Variants in FARS2 observed in about 807,000 individuals in gnomAD.
FARS2 encodes phenylalanine--tRNA ligase, mitochondrial.
FARS2 carries 40 observed loss-of-function variants against 46.4 expected under a neutral mutation model. That is an observed-to-expected ratio of 0.86 (90% CI 0.67 to 1.12). FARS2 has a LOEUF of 1.12. Ranked by LOEUF, FARS2 falls within the 50% of genes most tolerant of loss-of-function variation. The pLI is 0.00. For synonymous variants in FARS2, 234 were observed against 214.9 expected, an observed-to-expected ratio of 1.09 and a Z score of -0.78; for missense variants, 513 against 567.9, an observed-to-expected ratio of 0.90 and a Z score of 0.98.
At chr6:5,287,166 G>A (rs1031349975) in intron 1 of FARS2, among the ~76,000 whole-genome samples, 1 of 152,194 alleles carries the variant, frequency 6.6e-6, no homozygotes, top group African/African-American at 2.4e-5. Context: ...CAAATTTCCC[G>A]GGTGTGATAT....
rs148016550 is a variant in FARS2 at position 5,389,162 on chromosome 6, T to C, written c.613-15380T>C. ...AGCTAAATGAAACAGTTAAAAAATATCGGCTTGCAGAAATATTTTATGGCT... is the reference window on the plus strand; with the variant it reads ...AGCTAAATGAAACAGTTAAAAAATACCGGCTTGCAGAAATATTTTATGGCT... On this transcript the variant is annotated intron_variant, in intron 2 of 6. Coordinates refer to ENST00000274680, the MANE Select transcript of FARS2 (RefSeq NM_006567.5). 3.9e-3 allele frequency among the ~76,000 whole-genome samples: 599 copies of C among 152,076 alleles called. 2 individuals carry two copies. Among genetic ancestry groups the C allele is most frequent in the African/African-American group, 0.014 (579 of 41,508 alleles).
chr6:5,478,670 G>T (rs1301936229), intron 4 of FARS2, among the ~76,000 whole-genome samples: 1 of 152,138 alleles, frequency 6.6e-6, no homozygotes, highest in Admixed American at 6.5e-5. Flanking sequence ...TTGCAAGTGC[G>T]GAACAACCAG....
the FARS2 span, among the ~76,000 whole-genome samples, chr6:5,253,814 G>A: frequency 1.5e-5 from 2 of 136,860 alleles, no homozygotes; most frequent in African/African-American, 2.9e-5. Context: ...ACCTCAATAA[G>A]TGGGTGCCTC....
chr6:5,489,759 T>C (rs1766989372), intron 4 of FARS2, among the ~76,000 whole-genome samples: 1 of 152,250 alleles, frequency 6.6e-6, no homozygotes, highest in Non-Finnish European at 1.5e-5. Flanking sequence ...TGCTGGTTAT[T>C]ATTATAGAAA....
intron 6 of FARS2, among the ~76,000 whole-genome samples, chr6:5,736,702 C>CT (rs1760978555): frequency 6.6e-6 from 1 of 151,928 alleles, no homozygotes; most frequent in African/African-American, 2.4e-5. Context: ...GTACCCCTTG[C>CT]TATTTATCCT....
At chr6:5,755,708 G>T (rs1395255136) in intron 6 of FARS2, among the ~76,000 whole-genome samples, 1 of 152,146 alleles carries the variant, frequency 6.6e-6, no homozygotes, top group Non-Finnish European at 1.5e-5. Context: ...GTAATTTGGG[G>T]CCTTGAGGTT....
chr6:5,675,116 T>C (rs2150818465), intron 6 of FARS2, among the ~76,000 whole-genome samples: 1 of 152,252 alleles, frequency 6.6e-6, no homozygotes, highest in African/African-American at 2.4e-5. Flanking sequence ...AGGTGGTCAA[T>C]AAATATTTGG....
At chr6:5,572,421 G>A (rs1420155536) in intron 5 of FARS2, among the ~76,000 whole-genome samples, 3 of 151,998 alleles carry the variant, frequency 2.0e-5, no homozygotes, top group South Asian at 2.1e-4. Flanking sequence ...CAAACACCTC[G>A]CACCAGGACC....
chr6:5,428,069 G>A (rs914898073), intron 3 of FARS2, among the ~76,000 whole-genome samples: 1 of 152,208 alleles, frequency 6.6e-6, no homozygotes, highest in African/African-American at 2.4e-5. Context: ...ACAGGGACCT[G>A]TCTCTGCGGA....
At chr6:5,520,149 A>G (rs936228981) in intron 4 of FARS2, among the ~76,000 whole-genome samples, 1 of 152,206 alleles carries the variant, frequency 6.6e-6, no homozygotes, top group Non-Finnish European at 1.5e-5. Context: ...CCTGAGGATC[A>G]TAAGTTTAGT....
chr6:5,524,661 G>T (rs1769351762), intron 4 of FARS2, among the ~76,000 whole-genome samples: 1 of 152,122 alleles, frequency 6.6e-6, no homozygotes, highest in South Asian at 2.1e-4. Flanking sequence ...CCTTACAGTA[G>T]CTCTAGGAGG....
At chr6:5,735,526 G>A (rs550719058) in intron 6 of FARS2, among the ~76,000 whole-genome samples, 1 of 152,292 alleles carries the variant, frequency 6.6e-6, no homozygotes, top group African/African-American at 2.4e-5. Flanking sequence ...CGTTTCTCTC[G>A]AGGCTGTTGT....
chr6:5,440,710 G>T (rs542796717), intron 4 of FARS2, among the ~76,000 whole-genome samples: 11 of 152,102 alleles, frequency 7.2e-5, no homozygotes, highest in Admixed American at 3.9e-4. Context: ...AGAAGTGGAG[G>T]GGGGGTGTCT....
intron 6 of FARS2, among the ~76,000 whole-genome samples, chr6:5,674,413 G>C (rs4570011): frequency 6.6e-6 from 1 of 152,078 alleles, no homozygotes; most frequent in African/African-American, 2.4e-5. Context: ...TTAAGAGAAA[G>C]ACTTGTTGGT....
intron 4 of FARS2, among the ~76,000 whole-genome samples, chr6:5,469,145 C>G (rs779759032): frequency 5.3e-5 from 8 of 152,238 alleles, no homozygotes; most frequent in Non-Finnish European, 1.2e-4. Context: ...TTGCCACTTC[C>G]AGCGACTGTT....
intron 6 of FARS2, among the ~76,000 whole-genome samples, chr6:5,708,894 C>T (rs1386806296): frequency 3.3e-5 from 5 of 152,254 alleles, no homozygotes; most frequent in Admixed American, 3.3e-4. Flanking sequence ...GAAATCCTAG[C>T]CTCAAGTGAT....
intron 6 of FARS2, among the ~76,000 whole-genome samples, chr6:5,703,174 A>G (rs1003612303): frequency 2.6e-5 from 4 of 152,224 alleles, no homozygotes; most frequent in Non-Finnish European, 5.9e-5. Context: ...TTGGTTCCAA[A>G]GAGTGATGAA....
chr6:5,550,599 C>A (rs1771315042), intron 5 of FARS2, among the ~76,000 whole-genome samples: 1 of 152,326 alleles, frequency 6.6e-6, no homozygotes, highest in Admixed American at 6.5e-5. Flanking sequence ...CATGTATATG[C>A]AGGTGAGTTG....
In FARS2 at chr6:5,446,407, A is replaced by G. The variant is rs1461767855; in HGVS notation, c.904+15235A>G. On this transcript the variant is annotated intron_variant, in intron 4 of 6. Coordinates refer to ENST00000274680, the MANE Select transcript of FARS2 (RefSeq NM_006567.5). ...TCAAAATCCATTATATGTATTTGAT[A>G]CTCCATTTAGTAGAATCAGCCTTCC... Among the ~76,000 whole-genome samples, 3 of 152,076 alleles carry G rather than the reference A, an allele frequency of 2.0e-5. No homozygotes were observed. In the East Asian group the frequency reaches 5.8e-4, roughly 29 times the overall value.
Sources: allele counts gnomAD v4.1 joint callset (sites outside exome capture counted in the v4.1 genomes callset), GRCh38; gene constraint gnomAD v4.1.1; transcripts MANE v1.5; gene names NCBI Gene and HGNC (gene_info 2026-07-23, HGNC 2026-07-21).